The following CLIP1 variants were observed in gnomAD, a reference collection of about 807,000 sequenced individuals.
The protein encoded by CLIP1 is CAP-Gly domain-containing linker protein 1.
In CLIP1, 66 loss-of-function variants were observed where a neutral mutation model predicts 161.6. That is an observed-to-expected ratio of 0.41 (90% CI 0.33 to 0.50). The LOEUF (loss-of-function observed/expected upper bound fraction) is 0.50. Among genes scored for constraint, CLIP1 ranks in the 20% least tolerant of loss-of-function variants. CLIP1 has a pLI of 0.27. For missense variants in CLIP1, 1,376 were observed against 1,702.0 expected (o/e 0.81, Z 3.37); for synonymous variants, 598 against 626.2 (o/e 0.96, Z 0.67).
intron 2 of CLIP1, among the ~76,000 whole-genome samples, chr12:122,378,199 C>T (rs1954837321): frequency 6.6e-6 from 1 of 152,132 alleles, no homozygotes; most frequent in South Asian, 2.1e-4. Context: ...TGATTCTCCT[C>T]CTTCAGCCTC....
intron 8 of CLIP1, 117 bp from the exon 9 acceptor site, chr12:122,351,260 CA>C: frequency 1.5e-6 from 1 of 661,572 alleles, no homozygotes; most frequent in South Asian, 2.5e-5. Flanking sequence ...GTAAGTTTAT[CA>C]GACAGACTAT....
intron 23 of CLIP1, among the ~76,000 whole-genome samples, 168 bp downstream of exon 23, chr12:122,278,624 G>C (rs1955526251): frequency 6.6e-6 from 1 of 152,224 alleles, no homozygotes; most frequent in Non-Finnish European, 1.5e-5. Context: ...CCAGGAACGG[G>C]GATGGCAGGC....
chr12:122,415,725 AG>A (rs1186318374), intron 1 of CLIP1, among the ~76,000 whole-genome samples: 2 of 151,276 alleles, frequency 1.3e-5, no homozygotes, highest in Middle Eastern at 3.5e-3. Flanking sequence ...AGGCTGAGGC[AG>A]GAGAATTGCT....
At chr12:122,302,158 T>C (rs1593016651) in intron 20 of CLIP1, among the ~76,000 whole-genome samples, 1 of 152,226 alleles carries the variant, frequency 6.6e-6, no homozygotes, top group South Asian at 2.1e-4. Context: ...TGAAGTGTAA[T>C]GGCGCTATCT....
chr12:122,321,857 C>G (rs1293279594), intron 17 of CLIP1, among the ~76,000 whole-genome samples: 1 of 152,164 alleles, frequency 6.6e-6, no homozygotes, highest in Non-Finnish European at 1.5e-5. Flanking sequence ...CATAAAGTTT[C>G]TCCTTAGATT....
At chr12:122,379,302 C>A (rs1954891769) in intron 2 of CLIP1, among the ~76,000 whole-genome samples, 1 of 141,728 alleles carries the variant, frequency 7.1e-6, no homozygotes. Context: ...AACAATACAG[C>A]ATCTCAAAAA....
chr12:122,317,052 G>T (rs1242035406), intron 18 of CLIP1, among the ~76,000 whole-genome samples, 197 bp from the exon 19 acceptor site: 1 of 151,284 alleles, frequency 6.6e-6, no homozygotes, highest in Non-Finnish European at 1.5e-5. Flanking sequence ...CATTTAGTCT[G>T]ATATATATAT....
intron 17 of CLIP1, among the ~76,000 whole-genome samples, chr12:122,325,116 T>C (rs899250873): frequency 1.3e-5 from 2 of 150,784 alleles, no homozygotes; most frequent in African/African-American, 4.9e-5. Context: ...TGGAGTGCAA[T>C]GGTGCGATCT....
chr12:122,296,997 G>T (rs1215853175), intron 20 of CLIP1, among the ~76,000 whole-genome samples: 1 of 151,896 alleles, frequency 6.6e-6, no homozygotes, highest in African/African-American at 2.4e-5. Flanking sequence ...TGCTCACTCT[G>T]CTTCTGTGTA....
At position 122,319,233 on chromosome 12, in the gene CLIP1, T is replaced by A. The variant is rs1311429006; in HGVS notation, c.3365A>T (p.Glu1122Val). The A allele has an allele frequency of 1.3e-5, 20 of 1,593,434 alleles. No individual in the cohort carries two copies. Among genetic ancestry groups the A allele is most frequent in the Admixed American group, 3.3e-5 (2 of 59,994 alleles). ...AAAAAGCTATTTAAATCTGATTACT[T>A]CATTCTGTAGTTTTGCATTTGTTTG... ...TKQTNAKLQN[E>V]LDTLKENNLK... Residue 1122 changes from glutamate to valine, a missense_variant and splice_region_variant, in exon 18 of 26, where the codon GAA becomes GTA. Glu to Val is a moderately radical substitution (Grantham distance 121). Coordinates refer to ENST00000620786, the MANE Select transcript of CLIP1 (RefSeq NM_001247997.2).
At chr12:122,345,519 T>C (rs758061716) in intron 10 of CLIP1, among the ~76,000 whole-genome samples, 1 of 150,644 alleles carries the variant, frequency 6.6e-6, no homozygotes, top group Non-Finnish European at 1.5e-5. Context: ...CAGAGGCCGA[T>C]AGTTCCTTCT....
chr12:122,358,159 A>T (rs868704815), intron 5 of CLIP1, among the ~76,000 whole-genome samples: 3,271 of 151,844 alleles, frequency 0.022, 115 homozygotes, highest in African/African-American at 0.075. Context: ...GTGCTCTCTG[A>T]AACATGTGCT....
intron 17 of CLIP1, 71 bp from the exon 18 acceptor site, chr12:122,319,419 T>C (rs748437113): frequency 2.6e-6 from 3 of 1,167,522 alleles, no homozygotes; most frequent in Non-Finnish European, 3.9e-6. Context: ...GATCGGGCTG[T>C]GCTGTTCAGG....
rs1049293105 is a variant in CLIP1 at position 122,405,517 on chromosome 12, G to A, written c.-107+17004C>T. On this transcript the variant is annotated intron_variant, in intron 1 of 25. Transcript: ENST00000620786. ...AAAAAAGCAAATAGCAGCCAGGCGCGGTGGCTCACACCTGTAATCCCAGCA... is the reference window on the plus strand; with the variant it reads ...AAAAAAGCAAATAGCAGCCAGGCGCAGTGGCTCACACCTGTAATCCCAGCA... Among the ~76,000 whole-genome samples the A allele has an allele frequency of 9.2e-5, 14 of 152,086 alleles. No homozygotes were observed. The East Asian group carries it at 1.7e-3, about 19-fold the overall frequency.
intron 20 of CLIP1, 34 bp downstream of exon 20, chr12:122,309,728 G>A (rs888625929): frequency 3.1e-6 from 5 of 1,610,732 alleles, no homozygotes; most frequent in Non-Finnish European, 4.2e-6. Context: ...ACCCAGCATG[G>A]CACAGCTGGA....
At position 122,373,975 on chromosome 12, in the gene CLIP1, C is replaced by T. The variant is rs189971464; in HGVS notation, c.657+3414G>A. On this transcript the variant is annotated intron_variant, in intron 3 of 25. Coordinates refer to ENST00000620786, the MANE Select transcript of CLIP1 (RefSeq NM_001247997.2). ...AAATTATAGTTATTTAAGGTTCAAA[C>T]ACAAGCAAAACAAATCTTGTAAATA... Among the ~76,000 whole-genome samples, 97 of 152,200 alleles carry T rather than the reference C, an allele frequency of 6.4e-4. 1 individual carries two copies. The highest frequency in any genetic ancestry group is 2.0e-3 in the African/African-American group (82 of 41,528).
intron 6 of CLIP1, chr12:122,354,775 T>C: frequency 1.7e-6 from 1 of 577,898 alleles, no homozygotes; most frequent in Non-Finnish European, 3.1e-6. Context: ...CCTCTCATCT[T>C]TTTTGAAGCT....
In CLIP1 at chr12:122,328,432, A is replaced by G; in HGVS notation, c.2868-6T>C. ...GCTGTAATTCTTCTACATCTCTAGA[A>G]AAAGTTTCAATATAAGGTGTCAGAT... On this transcript the variant is annotated splice_region_variant and splice_polypyrimidine_tract_variant and intron_variant, in intron 15 of 25. Transcript: ENST00000620786. The G allele has an allele frequency of 6.4e-7, 1 of 1,557,006 alleles. No individual in the cohort carries two copies. The highest frequency in any genetic ancestry group is 1.4e-5 in the African/African-American group (1 of 73,006).
rs71082966 is a variant in CLIP1 at position 122,330,597 on chromosome 12, G to GTTTTTT, written c.2868-2177_2868-2172dup. On this transcript the variant is annotated intron_variant, in intron 15 of 25. Coordinates refer to ENST00000620786, the MANE Select transcript of CLIP1 (RefSeq NM_001247997.2). ...TTCAGCACTGAAGAAGTATAATGCAGTTTTTTTTTTTTTTTTTTTTGAGAT... is the reference window on the plus strand; with the variant it reads ...TTCAGCACTGAAGAAGTATAATGCAGTTTTTTTTTTTTTTTTTTTTTTTTTTGAGAT... 7.1e-4 allele frequency among the ~76,000 whole-genome samples: 72 copies of GTTTTTT among 101,368 alleles called. 6 individuals carry two copies. The highest frequency in any genetic ancestry group is 1.1e-3 in the African/African-American group (24 of 22,776). The allele number at this position is 101,368 out of a possible 152,430, so 66.5% of individuals were successfully genotyped here. A position where few individuals can be genotyped will look rare whatever the true frequency, so the allele number is the denominator to read the frequency against.
Sources: gnomAD v4.1 joint callset for allele counts (sites outside exome capture counted in the v4.1 genomes callset) on GRCh38, gnomAD v4.1.1 for gene constraint, MANE v1.5 for transcripts, NCBI Gene and HGNC (gene_info 2026-07-23, HGNC 2026-07-21) for gene names.